ANGPTL4: variants seen among roughly 807,000 people sequenced by gnomAD.
ANGPTL4 encodes angiopoietin like 4, also known as angiopoietin-related protein 4.
In ANGPTL4, 39 loss-of-function variants were observed where a neutral mutation model predicts 39.2. That is an observed-to-expected ratio of 1.00 (90% CI 0.77 to 1.30). ANGPTL4 has a LOEUF of 1.30. Among genes scored for constraint, ANGPTL4 ranks in the 50% most tolerant of loss-of-function variants. The pLI is 0.00. For synonymous variants in ANGPTL4, 233 were observed against 229.5 expected (o/e 1.02, Z -0.14); for missense variants, 545 against 549.8 (o/e 0.99, Z 0.09).
At position 8,374,210 on chromosome 19, in the gene ANGPTL4, A is replaced by C. The variant is rs1169897345; in HGVS notation, c.*324A>C. 2 of 369,630 alleles carry C rather than the reference A, an allele frequency of 5.4e-6. No individual in the cohort carries two copies. The highest frequency in any genetic ancestry group is 4.2e-5 in the African/African-American group (2 of 48,088). The allele number at this position is 369,630 out of a possible 1,614,324, so 22.9% of individuals were successfully genotyped here. A position where few individuals can be genotyped will look rare whatever the true frequency, so the allele number is the denominator to read the frequency against. On this transcript the variant is annotated 3_prime_UTR_variant, in exon 7 of 7. Transcript: ENST00000301455. Reference sequence around the variant, plus strand: ...CCAGCCAGACTGGCCTCAATGGCGGACTCAGTCACATTGACTGACGGGGAC... The same window carrying C: ...CCAGCCAGACTGGCCTCAATGGCGGCCTCAGTCACATTGACTGACGGGGAC...
At position 8,364,741 on chromosome 19, in the gene ANGPTL4, C is replaced by T. The variant is rs556535720; in HGVS notation, c.318+102C>T. On this transcript the variant is annotated intron_variant, in intron 1 of 6. Coordinates refer to ENST00000301455, the MANE Select transcript of ANGPTL4 (RefSeq NM_139314.3). ...GTGGGGGCGGGGTGCGCAACTGTGG[C>T]TCCCTGGGCTTCCCTGCGTCAAGGG... 3.7e-5 allele frequency: 51 copies of T among 1,392,242 alleles called. No homozygotes were observed. The South Asian group carries it at 5.7e-4, about 16-fold the overall frequency. 86.2% of individuals were successfully genotyped at this position (1,392,242 alleles called of 1,614,324 possible). A position where few individuals can be genotyped will look rare whatever the true frequency, so the allele number is the denominator to read the frequency against.
In ANGPTL4 at chr19:8,365,862, C is replaced by T; in HGVS notation, c.319-92C>T. On this transcript the variant is annotated intron_variant, in intron 1 of 6. Transcript: ENST00000301455. ...GAAAGACTCCCTTGCCTGGCCTCAG[C>T]GGATGGAGATTTGGAAGGATGGATG... 9.3e-6 allele frequency: 9 copies of T among 969,198 alleles called. 1 individual carries two copies. In the South Asian group the frequency reaches 9.3e-5, roughly 10 times the overall value. The allele number at this position is 969,198 out of a possible 1,614,324, so 60.0% of individuals were successfully genotyped here. A position where few individuals can be genotyped will look rare whatever the true frequency, so the allele number is the denominator to read the frequency against.
At chr19:8,367,187 C>G (rs1449347160) in intron 3 of ANGPTL4, among the ~76,000 whole-genome samples, 1 of 152,064 alleles carries the variant, frequency 6.6e-6, no homozygotes, top group African/African-American at 2.4e-5. Context: ...CCCGCTCCTT[C>G]CCACCTCCGT....
chr19:8,373,629 C>T lies in ANGPTL4; in HGVS notation c.1040-76C>T, dbSNP rs1376691859. On this transcript the variant is annotated intron_variant, in intron 6 of 6. Transcript: ENST00000301455. The stretch of plus-strand genomic sequence containing the variant: ...GGTCCCCAACCTGCCTCATCCTCAA[C>T]CCTATCCCTATCTCCTTTCAGCCCC... 5 of 1,605,872 alleles carry T rather than the reference C, an allele frequency of 3.1e-6. No individual in the cohort carries two copies. In the African/African-American group the frequency reaches 6.7e-5, roughly 21 times the overall value.
chr19:8,369,601 G>A (rs1224757235), intron 4 of ANGPTL4, among the ~76,000 whole-genome samples: 2 of 151,702 alleles, frequency 1.3e-5, no homozygotes, highest in African/African-American at 2.4e-5. Flanking sequence ...CTACAGGTGC[G>A]AGCAACCACA....
At chr19:8,366,173 C>G in intron 2 of ANGPTL4, 29 bp from the exon 3 acceptor site, 3 of 1,612,614 alleles carry the variant, frequency 1.9e-6, no homozygotes, top group Non-Finnish European at 2.5e-6. Flanking sequence ...CCAGGCAGGA[C>G]CTGACACCCT....
chr19:8,367,575 A>G (rs1331545535), intron 3 of ANGPTL4, among the ~76,000 whole-genome samples: 1 of 152,076 alleles, frequency 6.6e-6, no homozygotes, highest in African/African-American at 2.4e-5. Flanking sequence ...CCCACCGTGC[A>G]GACTCATTTC....
intron 3 of ANGPTL4, 111 bp downstream of exon 3, chr19:8,366,430 A>T (rs1971008472): frequency 1.6e-6 from 2 of 1,222,696 alleles, no homozygotes; most frequent in Admixed American, 3.7e-5. Context: ...CCTGGCCTGG[A>T]GTCCCTGAGG....
intron 4 of ANGPTL4, among the ~76,000 whole-genome samples, chr19:8,370,718 A>AAAAAAAAC (rs1568217740): frequency 6.7e-6 from 1 of 150,128 alleles, no homozygotes. Context: ...AAAAAAAAAA[A>AAAAAAAAC]AAAGAAAGCT....
Position 8,371,516 on chromosome 19 carries a change from C to T in ANGPTL4, c.1033C>T (p.Leu345Phe). ...CAGGGACAAGAACTGCGCCAAGAGC[C>T]TCTCTGGTGAGCAGGCCCTGCCATG... ...LRRDKNCAKS[L>F]SGGWWFGTCS... Residue 345 changes from leucine to phenylalanine, a missense_variant, in exon 6 of 7, where the codon CTC (leucine) becomes TTC (phenylalanine). Transcript: ENST00000301455. The surrounding 1 kb of genome is among the most constrained non-coding windows in gnomAD (Gnocchi z 5.1). The T allele has an allele frequency of 1.2e-6, 2 of 1,612,898 alleles. No homozygotes were observed. The highest frequency in any genetic ancestry group is 1.3e-5 in the African/African-American group (1 of 75,026).
intron 1 of ANGPTL4, 108 bp from the exon 2 acceptor site, chr19:8,365,846 C>T: frequency 1.2e-6 from 1 of 849,892 alleles, no homozygotes; most frequent in Non-Finnish European, 2.0e-6. Flanking sequence ...AGAAAGACTC[C>T]CTTGCCTGGC....
At position 8,371,005 on chromosome 19, in the gene ANGPTL4, G is replaced by T; in HGVS notation, c.662-51G>T. The stretch of plus-strand genomic sequence containing the variant: ...TGCTTGGCAGCCAGATGAGGGAGTG[G>T]GGTCGTCTGTGAAGAGGGACTTCCT... On this transcript the variant is annotated intron_variant, in intron 4 of 6. Coordinates refer to ENST00000301455, the MANE Select transcript of ANGPTL4 (RefSeq NM_139314.3). The surrounding 1 kb of genome is among the most constrained non-coding windows in gnomAD (Gnocchi z 5.1). 6.5e-7 allele frequency: 1 copy of T among 1,546,598 alleles called. No homozygotes were observed. The highest frequency in any genetic ancestry group is 1.2e-5 in the South Asian group (1 of 83,960).
At chr19:8,366,627 G>A (rs1348208929) in intron 3 of ANGPTL4, among the ~76,000 whole-genome samples, 1 of 152,178 alleles carries the variant, frequency 6.6e-6, no homozygotes, top group Non-Finnish European at 1.5e-5. Flanking sequence ...GGGTGCTGGA[G>A]AAGGTAGAAA....
chr19:8,370,000 C>T (rs906750519), intron 4 of ANGPTL4, among the ~76,000 whole-genome samples: 2 of 151,888 alleles, frequency 1.3e-5, no homozygotes, highest in East Asian at 2.0e-4. Flanking sequence ...GTCAGGAGTT[C>T]GAGACCAGCC....
intron 4 of ANGPTL4, 120 bp from the exon 5 acceptor site, chr19:8,370,936 T>G: frequency 2.8e-6 from 3 of 1,065,298 alleles, no homozygotes; most frequent in Non-Finnish European, 4.2e-6. Flanking sequence ...CCTCCAGGGA[T>G]GAGTGAGGGA....
chr19:8,365,817 T>C (rs758471942), intron 1 of ANGPTL4, 137 bp from the exon 2 acceptor site: 399 of 734,896 alleles, frequency 5.4e-4, no homozygotes, highest in Non-Finnish European at 8.2e-4. Context: ...GACCCCGTCA[T>C]TGGGAAAAAA....
intron 4 of ANGPTL4, 21 bp downstream of exon 4, chr19:8,369,353 A>G: frequency 6.3e-7 from 1 of 1,581,150 alleles, no homozygotes; most frequent in Middle Eastern, 1.8e-4. Flanking sequence ...TTAGTCCACC[A>G]GGGGCCCCTC....
rs745565367 is a variant in ANGPTL4 at position 8,371,579 on chromosome 19, C to A, written c.1039+57C>A. 3.1e-6 allele frequency: 5 copies of A among 1,604,606 alleles called. No individual in the cohort carries two copies. Among genetic ancestry groups the A allele is most frequent in the Non-Finnish European group, 4.2e-6 (5 of 1,177,656 alleles). ...AGCAGCTTCCCTCCTTATCTTTCTGCTGCTCTGTCCTGCCTTCAACCCCAC... is the reference window on the plus strand; with the variant it reads ...AGCAGCTTCCCTCCTTATCTTTCTGATGCTCTGTCCTGCCTTCAACCCCAC... On this transcript the variant is annotated intron_variant, in intron 6 of 6. Transcript: ENST00000301455. The surrounding 1 kb of genome is among the most constrained non-coding windows in gnomAD (Gnocchi z 5.1).
chr19:8,372,439 G>A (rs1247919894), intron 6 of ANGPTL4, among the ~76,000 whole-genome samples: 1 of 131,326 alleles, frequency 7.6e-6, no homozygotes, highest in African/African-American at 2.9e-5. Context: ...TGTTGCCTAA[G>A]CTGGAGTGCA....
Sources: allele counts gnomAD v4.1 joint callset (sites outside exome capture counted in the v4.1 genomes callset), GRCh38; gene constraint gnomAD v4.1.1; non-coding constraint Gnocchi (gnomAD v3.1); transcripts MANE v1.5; gene names NCBI Gene and HGNC (gene_info 2026-07-23, HGNC 2026-07-21).